AMPH: variants seen among roughly 807,000 people sequenced by gnomAD.
AMPH encodes amphiphysin (Stiff-Mann syndrome with breast cancer 128kD autoantigen).
AMPH carries 49 observed loss-of-function variants against 99.1 expected under a neutral mutation model. That is an observed-to-expected ratio of 0.49 (90% confidence interval 0.39 to 0.63). AMPH has a LOEUF of 0.63. Ranked by LOEUF, AMPH falls within the 20% of genes least tolerant of loss-of-function variation. The pLI is 0.00. For synonymous variants in AMPH, 314 were observed against 317.3 expected (o/e 0.99, Z 0.11); for missense variants, 759 against 863.4 (o/e 0.88, Z 1.52).
intron 1 of AMPH, among the ~76,000 whole-genome samples, chr7:38,565,090 C>T (rs1049274876): frequency 6.7e-6 from 1 of 148,352 alleles, no homozygotes; most frequent in Admixed American, 6.8e-5. Context: ...TGCCACTGCA[C>T]TCCAGCCTGG....
intron 1 of AMPH, among the ~76,000 whole-genome samples, chr7:38,618,543 T>C (rs1193764650): frequency 1.3e-5 from 2 of 152,034 alleles, no homozygotes; most frequent in African/African-American, 4.8e-5. Context: ...GCAATTACTA[T>C]AAATCTTGTT....
chr7:38,526,130 A>G (rs1034400350), intron 2 of AMPH, among the ~76,000 whole-genome samples: 2 of 152,180 alleles, frequency 1.3e-5, no homozygotes, highest in Non-Finnish European at 2.9e-5. Flanking sequence ...TATTTTAGCC[A>G]TCCTGAGAGA....
chr7:38,607,997 A>AT (rs1176088328), intron 1 of AMPH, among the ~76,000 whole-genome samples: 3 of 151,500 alleles, frequency 2.0e-5, no homozygotes, highest in Non-Finnish European at 2.9e-5. Context: ...CTTTTTTTAA[A>AT]TTTTTTTCCA....
chr7:38,493,696 G>T (rs568720284), intron 4 of AMPH, among the ~76,000 whole-genome samples: 1 of 152,246 alleles, frequency 6.6e-6, no homozygotes, highest in Admixed American at 6.5e-5. Flanking sequence ...GTGAAGTGAA[G>T]ATTTGTGAAC....
At chr7:38,595,745 G>A (rs1011393019) in intron 1 of AMPH, among the ~76,000 whole-genome samples, 3 of 152,084 alleles carry the variant, frequency 2.0e-5, no homozygotes, top group African/African-American at 4.8e-5. Flanking sequence ...AGTTCCCAGC[G>A]TCTACTGCTC....
intron 2 of AMPH, among the ~76,000 whole-genome samples, chr7:38,517,225 G>A (rs186374761): frequency 1.6e-4 from 25 of 152,172 alleles, no homozygotes; most frequent in Non-Finnish European, 3.7e-4. Flanking sequence ...GTTTGGATTA[G>A]TGTCCCCACT....
chr7:38,398,449 C>T lies in AMPH; in HGVS notation c.1399-4235G>A, dbSNP rs550343343. ...GGGAAAAAAGCCAGGCACAGAAAGA[C>T]AAACTTTGAATGTTCTTACTTATTT... On this transcript the variant is annotated intron_variant, in intron 17 of 20. Transcript: ENST00000356264. Among the ~76,000 whole-genome samples, 3 of 152,222 alleles carry T rather than the reference C, an allele frequency of 2.0e-5. No homozygotes were observed. The South Asian group carries it at 6.2e-4, about 32-fold the overall frequency.
At chr7:38,561,450 T>A (rs1562828309) in intron 1 of AMPH, among the ~76,000 whole-genome samples, 1 of 152,192 alleles carries the variant, frequency 6.6e-6, no homozygotes, top group Non-Finnish European at 1.5e-5. Flanking sequence ...TGCCAACATG[T>A]GTCAAGCATT....
chr7:38,426,793 C>T (rs1412586260), intron 15 of AMPH, among the ~76,000 whole-genome samples, 161 bp downstream of exon 15: 1 of 152,178 alleles, frequency 6.6e-6, no homozygotes, highest in African/African-American at 2.4e-5. Context: ...AATGTTGCTA[C>T]TATTCTGTTT....
intron 1 of AMPH, among the ~76,000 whole-genome samples, chr7:38,542,728 G>A (rs1212036723): frequency 6.6e-6 from 1 of 152,132 alleles, no homozygotes; most frequent in Non-Finnish European, 1.5e-5. Context: ...GGCGATGCCA[G>A]GAGAATTGCC....
In AMPH at chr7:38,384,743, A is replaced by T. The variant is rs905734842; in HGVS notation, c.*75T>A. 8.0e-7 allele frequency: 1 copy of T among 1,244,398 alleles called. No individual in the cohort carries two copies. Among genetic ancestry groups the T allele is most frequent in the African/African-American group, 1.5e-5 (1 of 67,544 alleles). The allele number at this position is 1,244,398 out of a possible 1,614,324, so 77.1% of individuals were successfully genotyped here. ...TGTAAATCATTAAGAGCATAATAAC[A>T]AAAGTGAACTCTTCAGGTTTTCATG... On this transcript the variant is annotated 3_prime_UTR_variant, in exon 21 of 21. Transcript: ENST00000356264.
chr7:38,488,991 T>TA (rs397745403), intron 5 of AMPH, among the ~76,000 whole-genome samples: 1 of 151,778 alleles, frequency 6.6e-6, no homozygotes, highest in Non-Finnish European at 1.5e-5. Context: ...AAGTTTTTTT[T>TA]AATTCTAAAA....
rs58023742 is a variant in AMPH at position 38,447,779 on chromosome 7, C to CAA, written c.1018-11392_1018-11391insTT. On this transcript the variant is annotated intron_variant, in intron 11 of 20. Coordinates refer to ENST00000356264, the MANE Select transcript of AMPH (RefSeq NM_001635.4). Reference sequence around the variant, plus strand: ...ACACACACACACACACACACACACACCCATACACAAAATTTCTTTAATCAT... The same window carrying CAA: ...ACACACACACACACACACACACACACAACCATACACAAAATTTCTTTAATCAT... Among the ~76,000 whole-genome samples, 1,180 of 150,110 alleles carry CAA rather than the reference C, an allele frequency of 7.9e-3. 81 individuals carry two copies. The highest frequency in any genetic ancestry group is 0.026 in the African/African-American group (1,036 of 40,538).
chr7:38,459,544 A>C (rs1787360837), intron 11 of AMPH, among the ~76,000 whole-genome samples: 1 of 152,150 alleles, frequency 6.6e-6, no homozygotes, highest in African/African-American at 2.4e-5. Flanking sequence ...ATAAATCCAC[A>C]TTTTGACAGC....
intron 1 of AMPH, among the ~76,000 whole-genome samples, chr7:38,629,463 G>T (rs1794378581): frequency 1.3e-5 from 2 of 152,182 alleles, no homozygotes; most frequent in South Asian, 4.1e-4. Flanking sequence ...CACAACTGCA[G>T]TCATAAAGTA....
At chr7:38,464,154 C>T (rs138713912) in intron 9 of AMPH, 62 of 1,284,114 alleles carry the variant, frequency 4.8e-5, no homozygotes, top group African/African-American at 1.8e-4. Context: ...GTCATGGCCC[C>T]GCTTTTTCTT....
intron 20 of AMPH, among the ~76,000 whole-genome samples, chr7:38,385,248 G>A (rs1471967289): frequency 3.3e-5 from 5 of 152,246 alleles, no homozygotes; most frequent in East Asian, 3.9e-4. Context: ...TTCTTAAAGA[G>A]GAGAAAAGGA....
chr7:38,612,539 C>G (rs73692926), intron 1 of AMPH, among the ~76,000 whole-genome samples: 1 of 152,052 alleles, frequency 6.6e-6, no homozygotes, highest in African/African-American at 2.4e-5. Context: ...CTCAGAAACA[C>G]TGATATGGAT....
intron 20 of AMPH, 147 bp from the exon 21 acceptor site, chr7:38,385,072 G>A: frequency 1.6e-6 from 1 of 614,350 alleles, no homozygotes; most frequent in Non-Finnish European, 2.8e-6. Flanking sequence ...GTGATCAATG[G>A]GAAGGCCTAT....
Sources: allele counts gnomAD v4.1 joint callset (sites outside exome capture counted in the v4.1 genomes callset), GRCh38; gene constraint gnomAD v4.1.1; transcripts MANE v1.5; gene names NCBI Gene and HGNC (gene_info 2026-07-23, HGNC 2026-07-21).